The following IPP variants were observed in gnomAD, a reference collection of about 807,000 sequenced individuals.
IPP encodes intracisternal A particle-promoted polypeptide, also known as actin-binding protein IPP.
Under a neutral mutation model 64.1 loss-of-function variants are expected in IPP, and 41 were observed. The observed-to-expected ratio is 0.64, with a 90% CI of 0.50 to 0.83. The LOEUF (loss-of-function observed/expected upper bound fraction) is 0.83, where lower values mean the gene tolerates loss of function less well. Among genes scored for constraint, IPP ranks in the 40% least tolerant of loss-of-function variants. The pLI is 0.00. For synonymous variants in IPP, 214 were observed against 235.2 expected (o/e 0.91, Z 0.83); for missense variants, 649 against 703.0 (o/e 0.92, Z 0.87).
intron 8 of IPP, among the ~76,000 whole-genome samples, chr1:45,705,821 A>T (rs971858995): frequency 6.6e-6 from 1 of 152,098 alleles, no homozygotes; most frequent in Non-Finnish European, 1.5e-5. Flanking sequence ...ACAAACAAAC[A>T]AACAAACAAA....
At chr1:45,742,071 C>T (rs28568986) in intron 2 of IPP, among the ~76,000 whole-genome samples, 42,781 of 152,096 alleles carry the variant, frequency 0.28, 6,148 homozygotes, top group South Asian at 0.36. Context: ...TTTACAGCAA[C>T]ACAGATGGAG....
At chr1:45,742,346 G>A (rs1185333055) in intron 2 of IPP, among the ~76,000 whole-genome samples, 1 of 151,628 alleles carries the variant, frequency 6.6e-6, no homozygotes, top group Non-Finnish European at 1.5e-5. Context: ...GAACAAACCC[G>A]CATATGTACC....
chr1:45,740,839 A>G, intron 3 of IPP, 62 bp downstream of exon 3: 1 of 1,079,902 alleles, frequency 9.3e-7, no homozygotes, highest in Non-Finnish European at 1.3e-6. Flanking sequence ...ACTCTCCCAC[A>G]TTTCAGAGAA....
At chr1:45,703,037 G>GA (rs1008359109) in intron 8 of IPP, among the ~76,000 whole-genome samples, 7 of 151,180 alleles carry the variant, frequency 4.6e-5, no homozygotes, top group Admixed American at 1.3e-4. Flanking sequence ...GGAAAACAAT[G>GA]AAAAAAAATG....
At chr1:45,726,062 GAGA>G (rs1453017689) in intron 5 of IPP, among the ~76,000 whole-genome samples, 1 of 144,278 alleles carries the variant, frequency 6.9e-6, no homozygotes, top group Non-Finnish European at 1.5e-5. Flanking sequence ...CCCCCTCTGC[GAGA>G]AACACCCAAG....
At chr1:45,738,839 C>CAAAAAAAAAAAAAA (rs752168393) in intron 3 of IPP, among the ~76,000 whole-genome samples, 4 of 7,672 alleles carry the variant, frequency 5.2e-4, no homozygotes, top group East Asian at 2.4e-3. Context: ...GACTCCATCT[C>CAAAAAAAAAAAAAA]AAAAAAAAAA....
chr1:45,727,526 G>T (rs1050439052), intron 5 of IPP, 105 bp downstream of exon 5: 1 of 226,106 alleles, frequency 4.4e-6, no homozygotes, highest in Non-Finnish European at 8.2e-6. Context: ...TACTTATTGA[G>T]GACAATTAGA....
At chr1:45,706,776 TATC>T (rs1209516048) in intron 8 of IPP, among the ~76,000 whole-genome samples, 1 of 152,112 alleles carries the variant, frequency 6.6e-6, no homozygotes, top group African/African-American at 2.4e-5. Flanking sequence ...GTCTCAAAAA[TATC>T]AGTCTGATTT....
chr1:45,740,459 C>T (rs1239589292), intron 3 of IPP, among the ~76,000 whole-genome samples: 1 of 152,086 alleles, frequency 6.6e-6, no homozygotes, highest in East Asian at 1.9e-4. Flanking sequence ...GGGCTGAACC[C>T]CCCATCTCCC....
intron 8 of IPP, among the ~76,000 whole-genome samples, chr1:45,701,725 C>T (rs1645458159): frequency 1.3e-5 from 2 of 152,140 alleles, no homozygotes; most frequent in South Asian, 4.1e-4. Context: ...TTAAATAAAG[C>T]ATATGATGAA....
At chr1:45,701,284 C>CT (rs139641704) in intron 8 of IPP, among the ~76,000 whole-genome samples, 42,510 of 149,780 alleles carry the variant, frequency 0.28, 6,049 homozygotes, top group South Asian at 0.37. Flanking sequence ...TAGTGTCTTA[C>CT]TTTTTTTTTT....
chr1:45,729,761 C>T lies in IPP; in HGVS notation c.733G>A (p.Asp245Asn), dbSNP rs150458159. 601 of 1,567,744 alleles carry T rather than the reference C, an allele frequency of 3.8e-4. 9 individuals are homozygous for T. In the East Asian group the frequency reaches 0.01, roughly 27 times the overall value. ...TGCAATGCAACACGAAGATTAAAAT[C>T]GGATACTCCTAAAACAATATTTAAA... ...RLLKYIEGVS[D>N]FNLRVALQTL... Residue 245 changes from aspartate to asparagine, a missense_variant, in exon 4 of 9, where the codon GAT (aspartate) becomes AAT (asparagine). By Grantham distance (23) the Asp-to-Asn change is conservative. Coordinates refer to ENST00000396478, the MANE Select transcript of IPP (RefSeq NM_005897.3).
chr1:45,709,303 T>C (rs1269413298), intron 8 of IPP, among the ~76,000 whole-genome samples: 1 of 148,740 alleles, frequency 6.7e-6, no homozygotes, highest in Non-Finnish European at 1.5e-5. Flanking sequence ...CTTGGCAGCA[T>C]GTGCCTGTAG....
chr1:45,744,041 A>T (rs934725018), intron 2 of IPP, among the ~76,000 whole-genome samples: 2 of 152,002 alleles, frequency 1.3e-5, no homozygotes, highest in Non-Finnish European at 2.9e-5. Flanking sequence ...AGAGTAATAT[A>T]TATTCACTGT....
At chr1:45,723,997 C>T (rs1309592770) in intron 5 of IPP, among the ~76,000 whole-genome samples, 2 of 138,356 alleles carry the variant, frequency 1.4e-5, no homozygotes, top group Non-Finnish European at 3.2e-5. Context: ...TCCCTCTCTC[C>T]ACGGTCTCCT....
chr1:45,747,043 T>C (rs911094073), intron 1 of IPP, among the ~76,000 whole-genome samples: 1 of 152,174 alleles, frequency 6.6e-6, no homozygotes, highest in Non-Finnish European at 1.5e-5. Flanking sequence ...TTATTGGTTT[T>C]ACATTCTATA....
chr1:45,741,067 A>T lies in IPP; in HGVS notation c.558T>A (p.Ile186=), dbSNP rs775876957. ...LALTKDQLIK[I]LRSEELSIED... ...CAATGCTAAGCTCTTCACTTCGCAA[A>T]ATTTTGATCAGCTGATCTTTCGTAA... The change falls in exon 3 of 9, where the codon ATT becomes ATA. Residue 186 remains isoleucine, a synonymous_variant. Transcript: ENST00000396478. The T allele has an allele frequency of 3.1e-6, 5 of 1,614,010 alleles. No individual in the cohort carries two copies. In the Admixed American group the frequency reaches 8.3e-5, roughly 27 times the overall value.
At chr1:45,743,052 C>G (rs960253878) in intron 2 of IPP, among the ~76,000 whole-genome samples, 1 of 151,932 alleles carries the variant, frequency 6.6e-6, no homozygotes, top group Non-Finnish European at 1.5e-5. Flanking sequence ...ATTTTCCTGC[C>G]TCAGCCTCCT....
At position 45,700,041 on chromosome 1, in the gene IPP, G is replaced by T; in HGVS notation, c.1680C>A (p.Asn560Lys). 6.2e-6 allele frequency: 10 copies of T among 1,614,060 alleles called. No homozygotes were observed. The highest frequency in any genetic ancestry group is 8.5e-6 in the Non-Finnish European group (10 of 1,179,986). The change falls in exon 9 of 9, where the codon AAC becomes AAA. Residue 560 changes from asparagine to lysine, a missense_variant. Asn to Lys is a moderately conservative substitution (Grantham distance 94, BLOSUM62 0). Transcript: ENST00000396478. ...PGTLDSVEVY[N>K]PHSDTWTEIG... ...TTTCTGTCCATGTATCTGAATGAGGGTTATAAACTTCAACTGAGTCCAAGG... is the reference window on the plus strand; with the variant it reads ...TTTCTGTCCATGTATCTGAATGAGGTTTATAAACTTCAACTGAGTCCAAGG...
Sources: allele counts gnomAD v4.1 joint callset (sites outside exome capture counted in the v4.1 genomes callset), GRCh38; gene constraint gnomAD v4.1.1; transcripts MANE v1.5; gene names NCBI Gene and HGNC (gene_info 2026-07-23, HGNC 2026-07-21).